Variants in PAN3 observed in about 807,000 individuals in gnomAD.
PAN3 encodes the protein PAN2-PAN3 deadenylation complex subunit PAN3.
Under a neutral mutation model 96.2 loss-of-function variants are expected in PAN3, and 19 were observed. The observed-to-expected ratio is 0.20, with a 90% CI of 0.14 to 0.29. The LOEUF is 0.29. Ranked by LOEUF, PAN3 falls within the 10% of genes least tolerant of loss-of-function variation. PAN3 has a pLI of 1.00. For missense variants in PAN3, 882 were observed against 1,108.1 expected (o/e 0.80, Z 2.90); for synonymous variants, 433 against 406.6 (o/e 1.06, Z -0.78).
At chr13:28,173,806 A>G (rs1237305753) in intron 1 of PAN3, among the ~76,000 whole-genome samples, 2 of 152,108 alleles carry the variant, frequency 1.3e-5, no homozygotes, top group African/African-American at 4.8e-5. Flanking sequence ...ATGCCATCCT[A>G]TTGCTACCTC....
intron 4 of PAN3, among the ~76,000 whole-genome samples, chr13:28,188,388 C>G (rs1183291104): frequency 6.6e-6 from 1 of 151,918 alleles, no homozygotes; most frequent in African/African-American, 2.4e-5. Flanking sequence ...CACTTGAGGC[C>G]AGGTGTTTGA....
chr13:28,291,958 A>T (rs1869809531), intron 18 of PAN3, among the ~76,000 whole-genome samples: 1 of 152,184 alleles, frequency 6.6e-6, no homozygotes, highest in South Asian at 2.1e-4. Flanking sequence ...AAAATTTTTT[A>T]AAAACCAATT....
intron 5 of PAN3, among the ~76,000 whole-genome samples, chr13:28,216,963 AATT>A (rs1880849898): frequency 6.6e-6 from 1 of 151,612 alleles, no homozygotes; most frequent in Non-Finnish European, 1.5e-5. Context: ...TAAAAACAAA[AATT>A]AGCCGGGTGC....
intron 6 of PAN3, among the ~76,000 whole-genome samples, chr13:28,245,747 A>G (rs1884124570): frequency 6.6e-6 from 1 of 152,170 alleles, no homozygotes; most frequent in Non-Finnish European, 1.5e-5. Flanking sequence ...CCTGTGCTGC[A>G]CATTTCATAT....
intron 7 of PAN3, 41 bp downstream of exon 7, chr13:28,256,580 A>G: frequency 1.3e-6 from 2 of 1,566,020 alleles, no homozygotes; most frequent in Non-Finnish European, 1.7e-6. Context: ...ACTCTCTTGT[A>G]ACAGGACCTT....
At chr13:28,245,919 G>A (rs1884139407) in intron 6 of PAN3, among the ~76,000 whole-genome samples, 1 of 152,098 alleles carries the variant, frequency 6.6e-6, no homozygotes, top group South Asian at 2.1e-4. Context: ...CTGCTTATCA[G>A]TTGATAGACA....
At chr13:28,222,579 G>A (rs1881520864) in intron 6 of PAN3, among the ~76,000 whole-genome samples, 1 of 152,040 alleles carries the variant, frequency 6.6e-6, no homozygotes, top group African/African-American at 2.4e-5. Context: ...TAACACTCTG[G>A]AGATGAGCAA....
At chr13:28,203,671 A>C (rs1429919054) in intron 5 of PAN3, among the ~76,000 whole-genome samples, 2 of 152,160 alleles carry the variant, frequency 1.3e-5, no homozygotes, top group Non-Finnish European at 2.9e-5. Flanking sequence ...GAAATGTTAG[A>C]GATCTTCCAT....
chr13:28,162,942 A>G (rs1210952064), intron 1 of PAN3, among the ~76,000 whole-genome samples: 1 of 152,134 alleles, frequency 6.6e-6, no homozygotes, highest in Non-Finnish European at 1.5e-5. Flanking sequence ...GCATAATTAC[A>G]GATACATACA....
At chr13:28,232,287 T>C (rs541479524) in intron 6 of PAN3, among the ~76,000 whole-genome samples, 11 of 152,312 alleles carry the variant, frequency 7.2e-5, no homozygotes, top group Admixed American at 2.0e-4. Flanking sequence ...TTAGGTATCA[T>C]AAAGAGCATA....
intron 6 of PAN3, chr13:28,239,760 G>C: frequency 3.1e-6 from 3 of 977,672 alleles, no homozygotes; most frequent in Non-Finnish European, 4.2e-6. Flanking sequence ...AATCATAAGG[G>C]GTTGCTGTTG....
At chr13:28,248,677 A>G (rs1884438532) in intron 6 of PAN3, among the ~76,000 whole-genome samples, 1 of 152,046 alleles carries the variant, frequency 6.6e-6, no homozygotes. Context: ...GGCGCATACC[A>G]CCATACCCTA....
At chr13:28,215,390 T>C (rs1880612986) in intron 5 of PAN3, 1 of 745,888 alleles carries the variant, frequency 1.3e-6, no homozygotes, top group African/African-American at 1.7e-5. Context: ...TCTATTGAAA[T>C]GCACCATGGA....
chr13:28,144,937 C>T (rs1258406477), intron 1 of PAN3, among the ~76,000 whole-genome samples: 2 of 151,626 alleles, frequency 1.3e-5, no homozygotes, highest in Admixed American at 1.3e-4. Flanking sequence ...CCAGGCTGGT[C>T]TTGAACTCCT....
At chr13:28,267,246 G>A (rs766160219) in intron 11 of PAN3, 35 bp downstream of exon 11, 47 of 1,611,006 alleles carry the variant, frequency 2.9e-5, no homozygotes, top group Non-Finnish European at 3.8e-5. Flanking sequence ...CTGCTGGTGA[G>A]CTTCATTATT....
chr13:28,282,295 G>A (rs1398166327), intron 17 of PAN3, among the ~76,000 whole-genome samples: 2 of 150,660 alleles, frequency 1.3e-5, no homozygotes, highest in African/African-American at 4.9e-5. Flanking sequence ...TGTTTGATTT[G>A]TTAATAGAGA....
rs1329995482 is a variant in PAN3 at position 28,294,648 on chromosome 13, G to A, written c.*2126G>A. The A allele has an allele frequency of 1.3e-5, 2 of 152,586 alleles. No homozygotes were observed. Among genetic ancestry groups the A allele is most frequent in the Admixed American group, 1.3e-4 (2 of 15,264 alleles). 9.5% of individuals were successfully genotyped at this position (152,586 alleles called of 1,614,324 possible). A position where few individuals can be genotyped will look rare whatever the true frequency, so the allele number is the denominator to read the frequency against. On this transcript the variant is annotated 3_prime_UTR_variant, in exon 19 of 19. Transcript: ENST00000380958. ...TCTGTATAGACCAGCAAACTTCCCTGTGCAAGGCAAGTTTACATCACAAAT... is the reference window on the plus strand; with the variant it reads ...TCTGTATAGACCAGCAAACTTCCCTATGCAAGGCAAGTTTACATCACAAAT...
intron 6 of PAN3, among the ~76,000 whole-genome samples, chr13:28,241,154 G>A (rs1161345511): frequency 6.6e-6 from 1 of 152,076 alleles, no homozygotes; most frequent in African/African-American, 2.4e-5. Flanking sequence ...CAAGCTACTA[G>A]GGAGGCTGAG....
intron 6 of PAN3, among the ~76,000 whole-genome samples, chr13:28,248,005 G>T (rs1884367086): frequency 6.6e-6 from 1 of 151,948 alleles, no homozygotes; most frequent in African/African-American, 2.4e-5. Context: ...GATTGCTTTG[G>T]GTAGTATTAA....
Sources: gnomAD v4.1 joint callset for allele counts (sites outside exome capture counted in the v4.1 genomes callset) on GRCh38, gnomAD v4.1.1 for gene constraint, MANE v1.5 for transcripts, NCBI Gene and HGNC (gene_info 2026-07-23, HGNC 2026-07-21) for gene names.